PEX5L: variants seen among roughly 807,000 people sequenced by gnomAD.
PEX5L encodes PEX5-related protein.
Under a neutral mutation model 84.0 loss-of-function variants are expected in PEX5L, and 30 were observed. The ratio of observed to expected loss-of-function variants is 0.36; its 90% confidence interval spans 0.27 to 0.48. PEX5L has a LOEUF of 0.48. Ranked by LOEUF, PEX5L falls within the 20% of genes least tolerant of loss-of-function variation. PEX5L has a pLI of 0.99. For missense variants in PEX5L, 533 were observed against 754.6 expected (o/e 0.71, Z 3.44); for synonymous variants, 270 against 283.1 (o/e 0.95, Z 0.46).
chr3:179,974,670 C>G (rs1333930057), intron 1 of PEX5L, among the ~76,000 whole-genome samples: 1 of 152,160 alleles, frequency 6.6e-6, no homozygotes, highest in African/African-American at 2.4e-5. Context: ...AGAGACGTAT[C>G]TTTGTTAGTT....
At chr3:179,856,479 T>C (rs758307702) in intron 8 of PEX5L, among the ~76,000 whole-genome samples, 15 of 152,346 alleles carry the variant, frequency 9.8e-5, no homozygotes, top group Non-Finnish European at 1.6e-4. Flanking sequence ...AACTTTCAAG[T>C]TACGTCTCTA....
intron 2 of PEX5L, among the ~76,000 whole-genome samples, chr3:179,940,007 T>C (rs941072331): frequency 1.1e-4 from 17 of 152,180 alleles, no homozygotes; most frequent in Non-Finnish European, 2.9e-5. Flanking sequence ...AATGCTGACA[T>C]AGGGGCTCCT....
chr3:179,889,785 G>A (rs1757047869), intron 3 of PEX5L, among the ~76,000 whole-genome samples: 1 of 152,036 alleles, frequency 6.6e-6, no homozygotes, highest in Non-Finnish European at 1.5e-5. Context: ...TAAATGTTGA[G>A]GGACTATGAG....
At chr3:180,035,866 C>T (rs1386281656) in intron 1 of PEX5L, among the ~76,000 whole-genome samples, 2 of 152,270 alleles carry the variant, frequency 1.3e-5, no homozygotes, top group Non-Finnish European at 2.9e-5. Context: ...AACCAACCAA[C>T]CGTATGAATG....
chr3:179,953,977 C>T (rs1779799815), intron 2 of PEX5L, among the ~76,000 whole-genome samples: 1 of 152,098 alleles, frequency 6.6e-6, no homozygotes, highest in African/African-American at 2.4e-5. Context: ...TATTTTGCTT[C>T]CTTTTATCTA....
rs550399652 is a variant in PEX5L, at chr3:179,975,050, G to A, written c.22-3385C>T. Reference sequence around the variant, plus strand: ...CATCTCTATAAAAAATTAGCTGGACGTAGTGGCGTGCACCTGTAGACCTAG... The same window carrying A: ...CATCTCTATAAAAAATTAGCTGGACATAGTGGCGTGCACCTGTAGACCTAG... On this transcript the variant is annotated intron_variant, in intron 1 of 14. Coordinates refer to ENST00000467460, the MANE Select transcript of PEX5L (RefSeq NM_016559.3). 3.3e-5 allele frequency among the ~76,000 whole-genome samples: 5 copies of A among 152,202 alleles called. No individual in the cohort carries two copies. The East Asian group carries it at 5.8e-4, about 18-fold the overall frequency.
chr3:180,036,007 G>A (rs545625391), intron 1 of PEX5L, among the ~76,000 whole-genome samples: 1 of 152,130 alleles, frequency 6.6e-6, no homozygotes, highest in South Asian at 2.1e-4. Context: ...AAAAACATTA[G>A]AGCTCCTTGG....
At chr3:179,977,076 C>CT (rs1303685090) in intron 1 of PEX5L, among the ~76,000 whole-genome samples, 1 of 152,108 alleles carries the variant, frequency 6.6e-6, no homozygotes, top group Non-Finnish European at 1.5e-5. Context: ...TACTAAAAGT[C>CT]TTTTTCTCTT....
At chr3:179,841,306 C>T (rs866743342) in intron 8 of PEX5L, among the ~76,000 whole-genome samples, 2 of 152,094 alleles carry the variant, frequency 1.3e-5, no homozygotes, top group Non-Finnish European at 2.9e-5. Context: ...CCCTCTGCTT[C>T]GAAGGCCTTC....
rs897261518 is a variant in PEX5L at position 180,030,733 on chromosome 3, C to G, written c.21+5846G>C. Among the ~76,000 whole-genome samples the G allele has an allele frequency of 3.9e-5, 6 of 152,158 alleles. No homozygotes were observed. In the East Asian group the frequency reaches 1.2e-3, roughly 29 times the overall value. ...CCTGGAATTTCCATGATTCATAGAT[C>G]ACCATATGGCATTCTGTTTGGGGAA... On this transcript the variant is annotated intron_variant, in intron 1 of 14. Transcript: ENST00000467460.
chr3:179,962,231 C>G (rs1782258570), intron 2 of PEX5L, among the ~76,000 whole-genome samples: 1 of 152,088 alleles, frequency 6.6e-6, no homozygotes, highest in African/African-American at 2.4e-5. Flanking sequence ...GATTACTATG[C>G]TTATCTTACC....
chr3:179,968,018 T>C (rs1221900469), intron 2 of PEX5L, among the ~76,000 whole-genome samples: 1 of 152,160 alleles, frequency 6.6e-6, no homozygotes, highest in Admixed American at 6.6e-5. Context: ...TTTCCCAACC[T>C]GCTTGCACTA....
At chr3:179,859,935 A>C (rs1745407912) in intron 7 of PEX5L, among the ~76,000 whole-genome samples, 1 of 152,246 alleles carries the variant, frequency 6.6e-6, no homozygotes, top group Non-Finnish European at 1.5e-5. Context: ...TTCGAAAAAA[A>C]ATTAATCATA....
intron 8 of PEX5L, among the ~76,000 whole-genome samples, chr3:179,847,005 C>T (rs540555185): frequency 6.6e-6 from 1 of 151,414 alleles, no homozygotes; most frequent in Non-Finnish European, 1.5e-5. Context: ...ATATAGAGAT[C>T]TACATATGAA....
Position 180,036,680 on chromosome 3 carries a change from A to G in PEX5L, c.-81T>C. On this transcript the variant is annotated 5_prime_UTR_variant, in exon 1 of 15. Coordinates refer to ENST00000467460, the MANE Select transcript of PEX5L (RefSeq NM_016559.3). ...TTACTTGCCCACCAAAAGAGGGGAA[A>G]AGGTGGGTGCACAGCGGGTTCTCAG... 1 of 1,510,184 alleles carries G rather than the reference A, an allele frequency of 6.6e-7. No homozygotes were observed. The highest frequency in any genetic ancestry group is 9.2e-7 in the Non-Finnish European group (1 of 1,085,280). 93.5% of individuals were successfully genotyped at this position (1,510,184 alleles called of 1,614,324 possible).
chr3:179,820,718 G>GGT (rs1171439932), intron 8 of PEX5L, among the ~76,000 whole-genome samples: 4 of 152,234 alleles, frequency 2.6e-5, no homozygotes, highest in Non-Finnish European at 5.9e-5. Context: ...CTTCAAGGGA[G>GGT]GTGTGTGTTC....
intron 12 of PEX5L, among the ~76,000 whole-genome samples, chr3:179,808,849 G>T (rs903122151): frequency 6.6e-6 from 1 of 151,694 alleles, no homozygotes; most frequent in Non-Finnish European, 1.5e-5. Flanking sequence ...AGGCCGAGGC[G>T]GGCGGATCAC....
At chr3:180,003,968 T>A (rs765338480) in intron 1 of PEX5L, among the ~76,000 whole-genome samples, 6 of 152,214 alleles carry the variant, frequency 3.9e-5, no homozygotes, top group Non-Finnish European at 8.8e-5. Context: ...ATCAATATCT[T>A]CATTGACTAT....
At chr3:179,880,868 G>T (rs1454571342) in intron 4 of PEX5L, 1 of 152,212 alleles carries the variant, frequency 6.6e-6, no homozygotes, top group African/African-American at 2.4e-5. Flanking sequence ...TATAACCTTA[G>T]CTTCTTCCTT....
Sources: allele counts gnomAD v4.1 joint callset (sites outside exome capture counted in the v4.1 genomes callset), GRCh38; gene constraint gnomAD v4.1.1; transcripts MANE v1.5; gene names NCBI Gene and HGNC (gene_info 2026-07-23, HGNC 2026-07-21).